Variants in COL8A1 observed in about 807,000 individuals in gnomAD.
COL8A1 encodes the protein collagen alpha-1(VIII) chain.
Under a neutral mutation model 42.7 loss-of-function variants are expected in COL8A1, and 21 were observed. The observed-to-expected ratio is 0.49, with a 90% CI of 0.35 to 0.71. COL8A1 has a LOEUF of 0.71. COL8A1 is among the 30% of genes least tolerant of loss of function. COL8A1 has a pLI of 0.01. For missense variants in COL8A1, 788 were observed against 962.4 expected, an observed-to-expected ratio of 0.82 and a Z score of 2.40; for synonymous variants, 367 against 369.1, an observed-to-expected ratio of 0.99 and a Z score of 0.06.
At chr3:99,672,751 T>C (rs1938584473) in intron 1 of COL8A1, among the ~76,000 whole-genome samples, 1 of 152,176 alleles carries the variant, frequency 6.6e-6, no homozygotes, top group Admixed American at 6.6e-5. Context: ...GCTATTACTT[T>C]ATAATTTTGG....
intron 2 of COL8A1, among the ~76,000 whole-genome samples, chr3:99,772,286 T>C (rs751927862): frequency 3.9e-5 from 6 of 152,120 alleles, no homozygotes; most frequent in Non-Finnish European, 7.4e-5. Flanking sequence ...AGTAAAAAGA[T>C]GGGGAGTTTT....
intron 2 of COL8A1, among the ~76,000 whole-genome samples, chr3:99,766,033 G>A (rs2107431809): frequency 6.6e-6 from 1 of 152,266 alleles, no homozygotes; most frequent in African/African-American, 2.4e-5. Context: ...TCATAGATAT[G>A]CCGAAGGTAC....
chr3:99,735,424 G>A (rs200328742), intron 1 of COL8A1, among the ~76,000 whole-genome samples: 1 of 33,384 alleles, frequency 3.0e-5, no homozygotes, highest in Non-Finnish European at 5.2e-5. Flanking sequence ...GGTTTTTGTC[G>A]TTGGTTCTGT....
At chr3:99,738,357 T>A (rs560358844) in intron 1 of COL8A1, among the ~76,000 whole-genome samples, 21 of 152,252 alleles carry the variant, frequency 1.4e-4, no homozygotes, top group Non-Finnish European at 2.5e-4. Flanking sequence ...TTTGTGGTTT[T>A]ATCTGCTTTT....
chr3:99,701,905 T>C (rs1046294389), intron 1 of COL8A1, among the ~76,000 whole-genome samples: 2 of 152,194 alleles, frequency 1.3e-5, no homozygotes, highest in African/African-American at 4.8e-5. Flanking sequence ...AAAACTTAAT[T>C]AGAAAGTACT....
intron 1 of COL8A1, among the ~76,000 whole-genome samples, chr3:99,675,031 T>A (rs1339645916): frequency 6.6e-6 from 1 of 152,094 alleles, no homozygotes; most frequent in Non-Finnish European, 1.5e-5. Flanking sequence ...AAATTCACTA[T>A]GTCTAACTAA....
At chr3:99,746,380 A>G (rs1257801132) in intron 2 of COL8A1, among the ~76,000 whole-genome samples, 1 of 152,192 alleles carries the variant, frequency 6.6e-6, no homozygotes, top group East Asian at 1.9e-4. Context: ...AAGAGGCATG[A>G]TGTGGGTAAC....
chr3:99,796,458 T>A lies in COL8A1; in HGVS notation c.*322T>A, dbSNP rs187948850. 344 of 206,030 alleles carry A rather than the reference T, an allele frequency of 1.7e-3. 2 individuals carry two copies. The highest frequency in any genetic ancestry group is 7.4e-3 in the African/African-American group (321 of 43,612). 12.8% of individuals were successfully genotyped at this position (206,030 alleles called of 1,614,324 possible). On this transcript the variant is annotated 3_prime_UTR_variant, in exon 4 of 4. Transcript: ENST00000652472. ...GCTTATTCAGATCAGTCAAAATATA[T>A]CAGTATGAAAGATCATAGCTAATGA...
At chr3:99,713,179 A>G (rs775325085) in intron 1 of COL8A1, among the ~76,000 whole-genome samples, 1 of 152,062 alleles carries the variant, frequency 6.6e-6, no homozygotes, top group Non-Finnish European at 1.5e-5. Flanking sequence ...CAGTTTACAG[A>G]TAAGGAGGCT....
At chr3:99,789,197 A>T (rs1431420414) in intron 2 of COL8A1, among the ~76,000 whole-genome samples, 1 of 152,180 alleles carries the variant, frequency 6.6e-6, no homozygotes, top group Non-Finnish European at 1.5e-5. Context: ...ATTACCCTGG[A>T]ATAGGATATT....
At chr3:99,693,113 CTGGGAGG>C (rs1453505480) in intron 1 of COL8A1, among the ~76,000 whole-genome samples, 1 of 152,156 alleles carries the variant, frequency 6.6e-6, no homozygotes, top group Non-Finnish European at 1.5e-5. Context: ...TCGTTTGAAC[CTGGGAGG>C]TGGAGGTTGC....
chr3:99,737,783 G>T (rs369771220), intron 1 of COL8A1, among the ~76,000 whole-genome samples: 6 of 151,946 alleles, frequency 3.9e-5, no homozygotes, highest in African/African-American at 7.3e-5. Context: ...GCCTTGCTAG[G>T]TTGGGGAAGT....
chr3:99,721,450 A>G, intron 1 of COL8A1, among the ~76,000 whole-genome samples: 1 of 127,596 alleles, frequency 7.8e-6, no homozygotes, highest in Admixed American at 7.8e-5. Flanking sequence ...GGGAAGGGGA[A>G]GGGAAGGACA....
At chr3:99,655,632 A>G (rs1269300613) in intron 1 of COL8A1, among the ~76,000 whole-genome samples, 1 of 152,244 alleles carries the variant, frequency 6.6e-6, no homozygotes, top group African/African-American at 2.4e-5. Flanking sequence ...TCATTTATCT[A>G]AAATTCTAAC....
intron 1 of COL8A1, among the ~76,000 whole-genome samples, chr3:99,737,168 C>T (rs986198244): frequency 1.3e-5 from 2 of 152,150 alleles, no homozygotes; most frequent in African/African-American, 4.8e-5. Context: ...CACACTGATG[C>T]GACTTGACTC....
chr3:99,666,053 G>T (rs1938360158), intron 1 of COL8A1, among the ~76,000 whole-genome samples: 1 of 152,008 alleles, frequency 6.6e-6, no homozygotes, highest in African/African-American at 2.4e-5. Context: ...CAGGCTTCCA[G>T]CTGAAATCTT....
chr3:99,790,439 T>C (rs901558264), intron 2 of COL8A1, among the ~76,000 whole-genome samples: 2 of 152,208 alleles, frequency 1.3e-5, no homozygotes, highest in African/African-American at 4.8e-5. Context: ...GGACAACCAG[T>C]AGTCTCTCCC....
At chr3:99,692,276 G>A (rs1448757883) in intron 1 of COL8A1, among the ~76,000 whole-genome samples, 1 of 152,160 alleles carries the variant, frequency 6.6e-6, no homozygotes, top group Non-Finnish European at 1.5e-5. Context: ...CATTTACCTT[G>A]TCTAAAACAA....
At chr3:99,676,854 C>T (rs1938712993) in intron 1 of COL8A1, among the ~76,000 whole-genome samples, 1 of 152,046 alleles carries the variant, frequency 6.6e-6, no homozygotes, top group Non-Finnish European at 1.5e-5. Flanking sequence ...CCATTAACTT[C>T]TCTATATAAG....
Sources: allele counts gnomAD v4.1 joint callset (sites outside exome capture counted in the v4.1 genomes callset), GRCh38; gene constraint gnomAD v4.1.1; transcripts MANE v1.5; gene names NCBI Gene and HGNC (gene_info 2026-07-23, HGNC 2026-07-21).